Variants in IMMP2L observed in about 807,000 individuals in gnomAD.
IMMP2L encodes mitochondrial inner membrane protease subunit 2.
In IMMP2L, 18 loss-of-function variants were observed where a neutral mutation model predicts 19.3. The ratio of observed to expected loss-of-function variants is 0.93; its 90% confidence interval spans 0.64 to 1.38. The LOEUF (loss-of-function observed/expected upper bound fraction) is 1.38, where lower values mean the gene tolerates loss of function less well. IMMP2L is among the 40% of genes most tolerant of loss of function. The probability of loss-of-function intolerance (pLI) is 0.00; values close to 1 mark genes in which losing one functional copy is unlikely to be tolerated. For missense variants in IMMP2L, 233 were observed against 218.2 expected, an observed-to-expected ratio of 1.07 and a Z score of -0.43; for synonymous variants, 76 against 73.0, an observed-to-expected ratio of 1.04 and a Z score of -0.21.
At chr7:111,120,760 A>G (rs571122273) in intron 3 of IMMP2L, among the ~76,000 whole-genome samples, 9 of 152,284 alleles carry the variant, frequency 5.9e-5, no homozygotes, top group Non-Finnish European at 1.3e-4. Flanking sequence ...TATGGAGAGA[A>G]GTATGAATGA....
At position 110,953,532 on chromosome 7, in the gene IMMP2L, T is replaced by A. The variant is rs185740479; in HGVS notation, c.305+9968A>T. Among the ~76,000 whole-genome samples, 308 of 152,240 alleles carry A rather than the reference T, an allele frequency of 2.0e-3. 2 individuals are homozygous for A. Among genetic ancestry groups the A allele is most frequent in the African/African-American group, 7.1e-3 (297 of 41,548 alleles). On this transcript the variant is annotated intron_variant, in intron 4 of 5. Coordinates refer to ENST00000405709, the MANE Select transcript of IMMP2L (RefSeq NM_032549.4). ...TTTATGGCTGCATAGCATTCCATGGTGTATATGTGCCACATTTTCTTAATT... is the reference window on the plus strand; with the variant it reads ...TTTATGGCTGCATAGCATTCCATGGAGTATATGTGCCACATTTTCTTAATT...
rs187054088 is a variant in IMMP2L, at chr7:110,747,283, G to A, written c.409-83562C>T. ...ATAGCCTACCAACCAAAAAAAGTCC[G>A]AGAACTGATGGATTCATAGCCGAAT... On this transcript the variant is annotated intron_variant, in intron 5 of 5. Coordinates refer to ENST00000405709, the MANE Select transcript of IMMP2L (RefSeq NM_032549.4). Among the ~76,000 whole-genome samples, 183 of 152,058 alleles carry A rather than the reference G, an allele frequency of 1.2e-3. 3 individuals are homozygous for A. Among genetic ancestry groups the A allele is most frequent in the African/African-American group, 4.1e-3 (169 of 41,498 alleles).
intron 3 of IMMP2L, chr7:111,097,235 C>T (rs1163986128): frequency 6.6e-6 from 1 of 151,724 alleles, no homozygotes; most frequent in African/African-American, 2.4e-5. Flanking sequence ...CCAACTGGTA[C>T]AAAACAGGAC....
In IMMP2L at chr7:111,123,023, T is replaced by C; in HGVS notation, c.240-159458A>G. 4 of 1,613,928 alleles carry C rather than the reference T, an allele frequency of 2.5e-6. No homozygotes were observed. Among genetic ancestry groups the C allele is most frequent in the Non-Finnish European group, 3.4e-6 (4 of 1,179,956 alleles). Reference sequence around the variant, plus strand: ...CTACAGACTAACAATATTGCAAAAATTGAATACTCCACAGACTTTCCAGTA... The same window carrying C: ...CTACAGACTAACAATATTGCAAAAACTGAATACTCCACAGACTTTCCAGTA... On this transcript the variant is annotated intron_variant, in intron 3 of 5. Coordinates refer to ENST00000405709, the MANE Select transcript of IMMP2L (RefSeq NM_032549.4). The surrounding 1 kb of genome is among the most constrained non-coding windows in gnomAD (Gnocchi z 6.4).
In IMMP2L at chr7:111,087,370, A is replaced by C. The variant is rs1189230369; in HGVS notation, c.240-123805T>G. 4.6e-5 allele frequency among the ~76,000 whole-genome samples: 7 copies of C among 150,876 alleles called. No homozygotes were observed. In the East Asian group the frequency reaches 9.8e-4, roughly 21 times the overall value. On this transcript the variant is annotated intron_variant, in intron 3 of 5. Transcript: ENST00000405709. ...AGGCTGAGGCAGGAGAATCACTTGA[A>C]CCCGGAAGGTGTTGGTTGCAGTGAG...
chr7:111,485,597 CAAAAAAA>C (rs71147477), intron 3 of IMMP2L, among the ~76,000 whole-genome samples: 7 of 50,596 alleles, frequency 1.4e-4, no homozygotes, highest in Non-Finnish European at 2.3e-4. Context: ...GACTCTGTTT[CAAAAAAA>C]AAAAAAAAAA....
At chr7:110,693,242 T>C (rs1180086212) in intron 5 of IMMP2L, among the ~76,000 whole-genome samples, 1 of 152,180 alleles carries the variant, frequency 6.6e-6, no homozygotes, top group Non-Finnish European at 1.5e-5. Context: ...TAATGCTGAG[T>C]GATCTCCCAG....
At chr7:110,680,600 C>T (rs1792649199) in intron 5 of IMMP2L, among the ~76,000 whole-genome samples, 1 of 152,144 alleles carries the variant, frequency 6.6e-6, no homozygotes, top group South Asian at 2.1e-4. Context: ...AGATTTACCT[C>T]ACTGAGATCA....
At chr7:111,169,689 C>G (rs1459765587) in intron 3 of IMMP2L, among the ~76,000 whole-genome samples, 1 of 151,844 alleles carries the variant, frequency 6.6e-6, no homozygotes, top group Admixed American at 6.6e-5. Context: ...AAATTAGAGC[C>G]AACCTTAATG....
chr7:111,118,293 A>T (rs983850333), intron 3 of IMMP2L, among the ~76,000 whole-genome samples: 5 of 152,128 alleles, frequency 3.3e-5, no homozygotes, highest in Admixed American at 3.3e-4. Context: ...AATGATGAAA[A>T]ACAGATAAAG....
intron 3 of IMMP2L, among the ~76,000 whole-genome samples, chr7:111,421,854 G>C (rs1835591253): frequency 6.6e-6 from 1 of 151,756 alleles, no homozygotes; most frequent in South Asian, 2.1e-4. Flanking sequence ...ATGGTTTTAG[G>C]TCTAGCATAG....
At position 110,859,768 on chromosome 7, in the gene IMMP2L, G is replaced by A. The variant is rs534997079; in HGVS notation, c.408+26825C>T. Among the ~76,000 whole-genome samples, 16 of 151,112 alleles carry A rather than the reference G, an allele frequency of 1.1e-4. No homozygotes were observed. The South Asian group carries it at 1.7e-3, about 16-fold the overall frequency. On this transcript the variant is annotated intron_variant, in intron 5 of 5. Coordinates refer to ENST00000405709, the MANE Select transcript of IMMP2L (RefSeq NM_032549.4). Reference sequence around the variant, plus strand: ...CTGTCTCAAAAAAAAAAAAAAATACGTTGTTTAGGAGTATACAGTTGTGCA... The same window carrying A: ...CTGTCTCAAAAAAAAAAAAAAATACATTGTTTAGGAGTATACAGTTGTGCA...
intron 3 of IMMP2L, among the ~76,000 whole-genome samples, chr7:111,467,250 C>G (rs899089307): frequency 6.6e-6 from 1 of 152,100 alleles, no homozygotes; most frequent in South Asian, 2.1e-4. Context: ...CAGTTCTTAC[C>G]TCACAGTGCT....
At chr7:111,440,127 C>T (rs1450970343) in intron 3 of IMMP2L, among the ~76,000 whole-genome samples, 1 of 151,882 alleles carries the variant, frequency 6.6e-6, no homozygotes, top group African/African-American at 2.4e-5. Flanking sequence ...TCTTAAAACC[C>T]TCAAAGGATC....
chr7:111,068,387 A>G (rs1227587327), intron 3 of IMMP2L, among the ~76,000 whole-genome samples: 2 of 152,194 alleles, frequency 1.3e-5, no homozygotes, highest in Non-Finnish European at 2.9e-5. Flanking sequence ...ACTGATATAA[A>G]TTAATATGTA....
chr7:111,389,201 C>T (rs775653459), intron 3 of IMMP2L, among the ~76,000 whole-genome samples: 4 of 151,850 alleles, frequency 2.6e-5, no homozygotes, highest in Non-Finnish European at 4.4e-5. Flanking sequence ...TCAGATAAAC[C>T]CAAGTAGAGA....
intron 3 of IMMP2L, among the ~76,000 whole-genome samples, chr7:111,469,859 C>A (rs924477797): frequency 2.0e-5 from 3 of 152,054 alleles, no homozygotes; most frequent in Admixed American, 6.6e-5. Context: ...GCAACAAAAG[C>A]CAAAATTGAC....
At chr7:110,840,910 C>T (rs1399803297) in intron 5 of IMMP2L, among the ~76,000 whole-genome samples, 2 of 152,000 alleles carry the variant, frequency 1.3e-5, no homozygotes, top group East Asian at 1.9e-4. Flanking sequence ...ATTAATTATA[C>T]ATTTTGGCAA....
At chr7:110,770,788 CT>C (rs1798981701) in intron 5 of IMMP2L, among the ~76,000 whole-genome samples, 1 of 152,136 alleles carries the variant, frequency 6.6e-6, no homozygotes, top group Non-Finnish European at 1.5e-5. Context: ...TATAGCGCTC[CT>C]GGGACGTCTG....
Sources: gnomAD v4.1 joint callset for allele counts (sites outside exome capture counted in the v4.1 genomes callset) on GRCh38, gnomAD v4.1.1 for gene constraint, Gnocchi (gnomAD v3.1) non-coding constraint, MANE v1.5 for transcripts, NCBI Gene and HGNC (gene_info 2026-07-23, HGNC 2026-07-21) for gene names.